FUT8: variants seen among roughly 807,000 people sequenced by gnomAD.
The protein encoded by FUT8 is fucosyltransferase 8.
FUT8 carries 29 observed loss-of-function variants against 71.3 expected under a neutral mutation model. The ratio of observed to expected loss-of-function variants is 0.41; its 90% CI spans 0.30 to 0.55. FUT8 has a LOEUF of 0.55. Ranked by LOEUF, FUT8 falls within the 20% of genes least tolerant of loss-of-function variation. FUT8 has a pLI of 0.34. For missense variants in FUT8, 544 were observed against 702.1 expected, an observed-to-expected ratio of 0.77 and a Z score of 2.55; for synonymous variants, 254 against 239.3, an observed-to-expected ratio of 1.06 and a Z score of -0.57.
intron 1 of FUT8, among the ~76,000 whole-genome samples, chr14:65,424,539 C>CTTTTTTTTTTTTTTTTT (rs796843891): frequency 5.6e-5 from 7 of 125,434 alleles, no homozygotes; most frequent in African/African-American, 9.1e-5. Flanking sequence ...CTTTTCTTTT[C>CTTTTTTTTTTTTTTTTT]TTTTTTTTTT....
At chr14:65,664,506 A>G (rs1429566788) in intron 6 of FUT8, among the ~76,000 whole-genome samples, 5 of 152,154 alleles carry the variant, frequency 3.3e-5, no homozygotes, top group African/African-American at 1.2e-4. Context: ...GTTCTCTCAG[A>G]TTCAAAAAGG....
intron 5 of FUT8, 64 bp from the exon 6 acceptor site, chr14:65,629,428 A>G: frequency 1.0e-6 from 1 of 986,108 alleles, no homozygotes. Flanking sequence ...TCTTCTTAAG[A>G]CTTTGTGTAA....
At chr14:65,609,891 G>A (rs1428249652) in intron 3 of FUT8, among the ~76,000 whole-genome samples, 1 of 151,688 alleles carries the variant, frequency 6.6e-6, no homozygotes, top group Non-Finnish European at 1.5e-5. Flanking sequence ...AACAAATTCA[G>A]TGTTGTTTTA....
In FUT8 at chr14:65,431,924, T is replaced by C. The variant is rs73282299; in HGVS notation, c.-326+18710T>C. Among the ~76,000 whole-genome samples, 1,439 of 152,276 alleles carry C rather than the reference T, an allele frequency of 9.4e-3. 23 individuals carry two copies. Among genetic ancestry groups the C allele is most frequent in the African/African-American group, 0.033 (1,377 of 41,568 alleles). ...CTTAAACAAAAACCTTTCCTTATTA[T>C]TATTATTTTTAAATACTGTGCAACA... On this transcript the variant is annotated intron_variant, in intron 1 of 10. Coordinates refer to ENST00000673929, the MANE Select transcript of FUT8 (RefSeq NM_001371533.1).
the FUT8 span, among the ~76,000 whole-genome samples, chr14:65,380,122 A>T: frequency 1.3e-5 from 2 of 152,208 alleles, no homozygotes; most frequent in Non-Finnish European, 2.9e-5. Flanking sequence ...GGGAAGAAAA[A>T]GAGGTTTAAT....
intron 2 of FUT8, among the ~76,000 whole-genome samples, chr14:65,493,561 A>G (rs946157685): frequency 1.3e-5 from 2 of 151,852 alleles, no homozygotes; most frequent in African/African-American, 4.8e-5. Context: ...TGCTTTTCTT[A>G]TATTATAACC....
At chr14:65,418,855 A>C (rs1419078001) in intron 1 of FUT8, among the ~76,000 whole-genome samples, 1 of 152,182 alleles carries the variant, frequency 6.6e-6, no homozygotes, top group African/African-American at 2.4e-5. Flanking sequence ...GTTTATTATA[A>C]TGATATCATT....
chr14:65,617,512 A>C (rs182515146), intron 5 of FUT8, among the ~76,000 whole-genome samples: 5 of 152,216 alleles, frequency 3.3e-5, no homozygotes, highest in Admixed American at 2.6e-4. Flanking sequence ...TCTTAAATGG[A>C]ATTTTGTGCT....
At chr14:65,358,444 A>G in the FUT8 span, among the ~76,000 whole-genome samples, 4 of 152,168 alleles carry the variant, frequency 2.6e-5, no homozygotes, top group Non-Finnish European at 5.9e-5. Context: ...TAACACCTTT[A>G]AATACATCAT....
rs777370736 is a variant in FUT8, at chr14:65,660,945, T to C, written c.598-8298T>C. 6.6e-6 allele frequency among the ~76,000 whole-genome samples: 1 copy of C among 152,328 alleles called. No individual in the cohort carries two copies. Among genetic ancestry groups the C allele is most frequent in the South Asian group, 2.1e-4 (1 of 4,830 alleles). On this transcript the variant is annotated intron_variant, in intron 6 of 10. Coordinates refer to ENST00000673929, the MANE Select transcript of FUT8 (RefSeq NM_001371533.1). The surrounding 1 kb of genome is among the most constrained non-coding windows in gnomAD (Gnocchi z 4.1). Reference sequence around the variant, plus strand: ...ATGCTTTCACTACACTATTAATGAATTCGTTCTTCATTACCAGCACAAAGC... The same window carrying C: ...ATGCTTTCACTACACTATTAATGAACTCGTTCTTCATTACCAGCACAAAGC...
At chr14:65,425,452 G>A (rs2065370004) in intron 1 of FUT8, among the ~76,000 whole-genome samples, 1 of 146,014 alleles carries the variant, frequency 6.8e-6, no homozygotes, top group African/African-American at 2.5e-5. Context: ...ACAGGTATGA[G>A]CCACCATGCC....
At chr14:65,520,097 A>G (rs1254178810) in intron 2 of FUT8, among the ~76,000 whole-genome samples, 1 of 152,192 alleles carries the variant, frequency 6.6e-6, no homozygotes. Flanking sequence ...ACATTTAACA[A>G]CATTTACCTG....
Position 65,557,823 on chromosome 14 carries a change from A to G in FUT8, c.-227-3514A>G, listed in dbSNP as rs530677766. Among the ~76,000 whole-genome samples, 534 of 152,282 alleles carry G rather than the reference A, an allele frequency of 3.5e-3. 2 individuals carry two copies. Among genetic ancestry groups the G allele is most frequent in the African/African-American group, 0.012 (505 of 41,546 alleles). ...AAGAAATCTCAACAAACACTGCTAT[A>G]TAAATTTTAGTCAGAAATTAGCTGA... On this transcript the variant is annotated intron_variant, in intron 2 of 10. Transcript: ENST00000673929.
chr14:65,378,615 G>C, the FUT8 span, among the ~76,000 whole-genome samples: 1 of 152,076 alleles, frequency 6.6e-6, no homozygotes, highest in South Asian at 2.1e-4. Flanking sequence ...GAAACAGACA[G>C]AAAGCCCTGT....
At chr14:65,512,227 G>A (rs147248485) in intron 2 of FUT8, among the ~76,000 whole-genome samples, 1,824 of 152,220 alleles carry the variant, frequency 0.012, 15 homozygotes, top group South Asian at 0.024. Context: ...GCGGTGGCGC[G>A]ATCTCGGCTT....
At chr14:65,556,456 C>T (rs893956233) in intron 2 of FUT8, among the ~76,000 whole-genome samples, 1 of 152,152 alleles carries the variant, frequency 6.6e-6, no homozygotes, top group Non-Finnish European at 1.5e-5. Flanking sequence ...CAGCTCCTTT[C>T]CACATGGGCC....
chr14:65,534,905 G>A (rs1300369094), intron 2 of FUT8, among the ~76,000 whole-genome samples: 2 of 151,202 alleles, frequency 1.3e-5, no homozygotes, highest in Admixed American at 6.6e-5. Flanking sequence ...ATGATTTTTT[G>A]TGTGTGTGTT....
chr14:65,550,361 A>G lies in FUT8; in HGVS notation c.-227-10976A>G, dbSNP rs564254046. Among the ~76,000 whole-genome samples the G allele has an allele frequency of 3.9e-5, 6 of 152,312 alleles. No homozygotes were observed. In the East Asian group the frequency reaches 1.2e-3, roughly 29 times the overall value. ...TAATCTGAACATCATAGCTTAGCCT[A>G]CCTTAAATGTGCCCAGAACACTTAT... On this transcript the variant is annotated intron_variant, in intron 2 of 10. Transcript: ENST00000673929. This position sits in a 1 kb window ranked among gnomAD's most constrained non-coding sequence, Gnocchi z 4.5.
At chr14:65,523,540 T>A (rs1394665211) in intron 2 of FUT8, among the ~76,000 whole-genome samples, 1 of 152,240 alleles carries the variant, frequency 6.6e-6, no homozygotes, top group Non-Finnish European at 1.5e-5. Flanking sequence ...TTCACTCTGA[T>A]GGTAGTTTCT....
Sources: allele counts gnomAD v4.1 joint callset (sites outside exome capture counted in the v4.1 genomes callset), GRCh38; gene constraint gnomAD v4.1.1; non-coding constraint Gnocchi (gnomAD v3.1); transcripts MANE v1.5; gene names NCBI Gene and HGNC (gene_info 2026-07-23, HGNC 2026-07-21).